C19orf47: variants seen among roughly 807,000 people sequenced by gnomAD.
The protein encoded by C19orf47 is uncharacterized protein C19orf47.
C19orf47 carries 18 observed loss-of-function variants against 32.3 expected under a neutral mutation model. The observed-to-expected ratio is 0.56, with a 90% CI of 0.39 to 0.83. C19orf47 has a LOEUF of 0.83. C19orf47 is among the 40% of genes least tolerant of loss of function. The pLI, the probability that C19orf47 is intolerant of heterozygous loss-of-function variation, is 0.00. For synonymous variants in C19orf47, 202 were observed against 211.1 expected (o/e 0.96, Z 0.37); for missense variants, 484 against 531.6 (o/e 0.91, Z 0.88).
At chr19:40,339,980 C>CAAAAAAAAAAAAAAAAAAA (rs548548957) in intron 2 of C19orf47, among the ~76,000 whole-genome samples, 1 of 68,698 alleles carries the variant, frequency 1.5e-5, no homozygotes, top group African/African-American at 5.7e-5. Flanking sequence ...CATCTCAAAA[C>CAAAAAAAAAAAAAAAAAAA]AAAAAAAAAA....
downstream of C19orf47, among the ~76,000 whole-genome samples, chr19:40,317,620 G>A (rs1365541266): frequency 6.6e-6 from 1 of 152,084 alleles, no homozygotes; most frequent in Non-Finnish European, 1.5e-5. Context: ...GGCTCTCAAG[G>A]CGAGCAGCAT....
chr19:40,327,006 ACTTT>A (rs1191678663), intron 6 of C19orf47, among the ~76,000 whole-genome samples: 8 of 141,950 alleles, frequency 5.6e-5, no homozygotes, highest in Non-Finnish European at 1.2e-4. Flanking sequence ...ACTGATTTTA[ACTTT>A]TTTTTTTTTT....
intron 5 of C19orf47, 75 bp downstream of exon 5, chr19:40,333,776 G>C (rs941516184): frequency 1.7e-6 from 2 of 1,197,232 alleles, no homozygotes; most frequent in African/African-American, 3.2e-5. Flanking sequence ...GGCGGGGATG[G>C]GATGGCCAGA....
At chr19:40,345,367 G>T (rs1414449383) in intron 1 of C19orf47, among the ~76,000 whole-genome samples, 1 of 152,080 alleles carries the variant, frequency 6.6e-6, no homozygotes, top group South Asian at 2.1e-4. Context: ...TGGACAAGTA[G>T]CTTAACCTTT....
intron 5 of C19orf47, 72 bp downstream of exon 5, chr19:40,333,779 T>C: frequency 8.2e-7 from 1 of 1,222,942 alleles, no homozygotes; most frequent in South Asian, 1.6e-5. Context: ...GGGGATGGGA[T>C]GGCCAGACGT....
rs1485296900 is a variant in C19orf47, at chr19:40,321,205, G to A, written c.*677C>T. ...GCAGGAAAACGGATGCGCCTCAGCC[G>A]CAGCCCAGGGTCTGGAGAGGTCCCT... On this transcript the variant is annotated 3_prime_UTR_variant, in exon 9 of 9. Transcript: ENST00000683109. 1.7e-5 allele frequency: 17 copies of A among 981,266 alleles called. No individual in the cohort carries two copies. The highest frequency in any genetic ancestry group is 1.1e-4 in the East Asian group (1 of 8,778). 60.8% of individuals were successfully genotyped at this position (981,266 alleles called of 1,614,324 possible).
chr19:40,303,721 T>C, the C19orf47 span, among the ~76,000 whole-genome samples: 415 of 149,362 alleles, frequency 2.8e-3, 3 homozygotes, highest in Admixed American at 3.6e-3. Flanking sequence ...GGAGAATCGC[T>C]TGAACCTGGC....
intron 1 of C19orf47, among the ~76,000 whole-genome samples, chr19:40,343,987 G>A (rs1185707860): frequency 6.6e-6 from 1 of 151,356 alleles, no homozygotes; most frequent in African/African-American, 2.4e-5. Context: ...GTACAGATGG[G>A]GTTTCACCAT....
intron 3 of C19orf47, 27 bp downstream of exon 3, chr19:40,336,293 C>A: frequency 1.2e-6 from 2 of 1,613,936 alleles, no homozygotes; most frequent in Non-Finnish European, 1.7e-6. Flanking sequence ...CTCCCCACCA[C>A]CCCATCCCCA....
the C19orf47 span, among the ~76,000 whole-genome samples, chr19:40,303,803 G>GAAAAAAA: frequency 2.2e-5 from 1 of 45,336 alleles, no homozygotes; most frequent in Non-Finnish European, 3.8e-5. Context: ...GACTTTGTCT[G>GAAAAAAA]AAAAAAAAAA....
rs140602498 is a variant in C19orf47, at chr19:40,321,951, G to C, written c.1089C>G (p.Gly363=). The C allele has an allele frequency of 3.9e-4, 623 of 1,613,724 alleles. 2 individuals are homozygous for C. The African/African-American group carries it at 6.9e-3, about 18-fold the overall frequency. The change falls in exon 9 of 9, where the codon GGC becomes GGG. Residue 363 remains glycine (G), a synonymous_variant. Coordinates refer to ENST00000683109, the MANE Select transcript of C19orf47 (RefSeq NM_001256441.2). ...VGPRGSSSSE[G]LGAQMDHAGT... is the part of the protein sequence containing the mutation. ...CCGCGTGGTCCATCTGGGCACCAAG[G>C]CCCTCGCTGGAGCTGCTCCCCCGGG...
rs368494710 is a variant in C19orf47 at position 40,333,892 on chromosome 19, C to T, written c.260G>A (p.Ser87Asn). ...CKAATESVPCSPSPLAGEIRR... is the reference protein window; with the variant it reads ...CKAATESVPCNPSPLAGEIRR... The stretch of plus-strand genomic sequence containing the variant: ...AATTTCGCCTGCAAGGGGGCTAGGG[C>T]TGCAGGGTACTGACTCAGTGGCAGC... Residue 87 changes from serine to asparagine, a missense_variant, in exon 5 of 9, where the codon AGC becomes AAC. By Grantham distance (46) the Ser-to-Asn change is conservative. Around this residue, in one of 3 missense-constraint regions of C19orf47, gnomAD observed 376 missense variants for 370.2 expected, o/e 1.02. Coordinates refer to ENST00000683109, the MANE Select transcript of C19orf47 (RefSeq NM_001256441.2). 6.3e-7 allele frequency: 1 copy of T among 1,579,784 alleles called. No homozygotes were observed. Among genetic ancestry groups the T allele is most frequent in the Non-Finnish European group, 8.6e-7 (1 of 1,161,322 alleles).
intron 1 of C19orf47, among the ~76,000 whole-genome samples, chr19:40,347,316 A>AGT (rs1440297296): frequency 6.6e-6 from 1 of 151,984 alleles, no homozygotes; most frequent in Non-Finnish European, 1.5e-5. Flanking sequence ...GATCACCTGA[A>AGT]GTCAGAAGTT....
At chr19:40,345,536 TAAAAAAA>T (rs55954294) in intron 1 of C19orf47, among the ~76,000 whole-genome samples, 3 of 110,850 alleles carry the variant, frequency 2.7e-5, no homozygotes, top group Non-Finnish European at 3.6e-5. Context: ...CTGTCACTGT[TAAAAAAA>T]AAAAAAAAAA....
At position 40,322,016 on chromosome 19, in the gene C19orf47, C is replaced by A. The variant is rs752367890; in HGVS notation, c.1024G>T (p.Ala342Ser). 3 of 1,614,148 alleles carry A rather than the reference C, an allele frequency of 1.9e-6. No individual in the cohort carries two copies. The highest frequency in any genetic ancestry group is 2.5e-6 in the Non-Finnish European group (3 of 1,180,004). The change falls in exon 9 of 9, where the codon GCC (alanine) becomes TCC (serine). Residue 342 changes from alanine to serine, a missense_variant. Transcript: ENST00000683109. ...CTCTTAATGGTGACCTTGACCTCGGCTGAGGACTTACTCTTGGTGCTGGTG... is the reference window on the plus strand; with the variant it reads ...CTCTTAATGGTGACCTTGACCTCGGATGAGGACTTACTCTTGGTGCTGGTG... ...QVTSTKSKSS[A>S]EVKVTIKRTL... is the part of the protein sequence containing the mutation.
chr19:40,333,440 A>G (rs1022410515), intron 5 of C19orf47, among the ~76,000 whole-genome samples: 1 of 152,120 alleles, frequency 6.6e-6, no homozygotes. Flanking sequence ...GTTGTTGGCT[A>G]TGAGTTCCCG....
the C19orf47 span, among the ~76,000 whole-genome samples, chr19:40,300,190 G>C: frequency 6.6e-6 from 1 of 152,010 alleles, no homozygotes; most frequent in Non-Finnish European, 1.5e-5. Context: ...TATATGGCCG[G>C]GTGCAATGGC....
intron 2 of C19orf47, among the ~76,000 whole-genome samples, chr19:40,338,377 A>G (rs1426912583): frequency 6.7e-6 from 1 of 150,088 alleles, no homozygotes; most frequent in Non-Finnish European, 1.5e-5. Context: ...ACATATATAT[A>G]TATACACATA....
At chr19:40,326,592 A>C in intron 6 of C19orf47, 106 bp from the exon 7 acceptor site, 3 of 1,343,090 alleles carry the variant, frequency 2.2e-6, no homozygotes, top group Non-Finnish European at 3.0e-6. Context: ...CATGACTGGA[A>C]TCCCTTACCT....
Sources: gnomAD v4.1 joint callset for allele counts (sites outside exome capture counted in the v4.1 genomes callset) on GRCh38, gnomAD v4.1.1 for gene constraint, gnomAD v4.1.1 regional missense constraint, MANE v1.5 for transcripts, NCBI Gene and HGNC (gene_info 2026-07-23, HGNC 2026-07-21) for gene names.